Variants in TBC1D12 observed in about 807,000 individuals in gnomAD.
TBC1D12 encodes TBC1 domain family, member 12.
A neutral mutation model predicts 86.7 loss-of-function variants in TBC1D12; 56 were observed. That is an observed-to-expected ratio of 0.65 (90% CI 0.52 to 0.81). The LOEUF (loss-of-function observed/expected upper bound fraction) is 0.81. TBC1D12 is among the 30% of genes least tolerant of loss of function. TBC1D12 has a pLI of 0.00. For synonymous variants in TBC1D12, 421 were observed against 411.7 expected, an observed-to-expected ratio of 1.02 and a Z score of -0.27; for missense variants, 1,023 against 1,038.8, an observed-to-expected ratio of 0.98 and a Z score of 0.21.
At chr10:94,440,600 A>T (rs1272253490) in intron 1 of TBC1D12, among the ~76,000 whole-genome samples, 2 of 152,222 alleles carry the variant, frequency 1.3e-5, no homozygotes, top group East Asian at 3.8e-4. Flanking sequence ...CGGCATTTTG[A>T]GTATAGATAA....
chr10:94,507,052 T>C (rs2056468816), intron 6 of TBC1D12, among the ~76,000 whole-genome samples: 1 of 152,198 alleles, frequency 6.6e-6, no homozygotes, highest in Admixed American at 6.5e-5. Context: ...ATGTACATTC[T>C]GTATGGATGA....
chr10:94,469,333 C>A (rs1369083236), intron 2 of TBC1D12, among the ~76,000 whole-genome samples: 1 of 151,706 alleles, frequency 6.6e-6, no homozygotes, highest in Non-Finnish European at 1.5e-5. Context: ...GGTTATTGTT[C>A]TTTTCCCAAA....
rs940480829 is a variant in TBC1D12 at position 94,535,667 on chromosome 10, G to T, written c.*2571G>T. On this transcript the variant is annotated 3_prime_UTR_variant, in exon 13 of 13. Coordinates refer to ENST00000225235, the MANE Select transcript of TBC1D12 (RefSeq NM_015188.2). ...TTTAACTCCAGTAACTACTTCCTTG[G>T]TATTGGTATCCTTGATAGAGGGAAT... The T allele has an allele frequency of 1.3e-5, 2 of 152,074 alleles. No homozygotes were observed. The highest frequency in any genetic ancestry group is 4.8e-5 in the African/African-American group (2 of 41,424). 9.4% of individuals were successfully genotyped at this position (152,074 alleles called of 1,614,324 possible).
intron 3 of TBC1D12, among the ~76,000 whole-genome samples, chr10:94,480,761 C>T (rs1004131109): frequency 5.3e-5 from 8 of 150,890 alleles, no homozygotes; most frequent in Non-Finnish European, 8.8e-5. Flanking sequence ...ACTGTATTCC[C>T]AGCTACTTGG....
intron 3 of TBC1D12, among the ~76,000 whole-genome samples, chr10:94,475,860 C>T (rs2055980382): frequency 6.6e-6 from 1 of 152,168 alleles, no homozygotes; most frequent in Admixed American, 6.5e-5. Context: ...TGGTTCTTAG[C>T]TCTTTTTCTC....
At chr10:94,483,301 T>C (rs113549899) in intron 3 of TBC1D12, among the ~76,000 whole-genome samples, 2 of 152,208 alleles carry the variant, frequency 1.3e-5, no homozygotes, top group African/African-American at 4.8e-5. Flanking sequence ...CTGGATCATA[T>C]GGTAGCTCTA....
Position 94,474,776 on chromosome 10 carries a change from C to T in TBC1D12, c.1204C>T (p.Arg402Ter). The T allele has an allele frequency of 6.2e-7, 1 of 1,613,258 alleles. No homozygotes were observed. The highest frequency in any genetic ancestry group is 1.1e-5 in the South Asian group (1 of 91,034). The change falls in exon 3 of 13, where the codon CGA (arginine) becomes TGA (stop). Residue 402 changes from arginine to a stop codon, truncating the protein, a stop_gained. Coordinates refer to ENST00000225235, the MANE Select transcript of TBC1D12 (RefSeq NM_015188.2). LOFTEE classifies it high-confidence loss of function. The part of the protein sequence containing the change: ...LSTTALILED[R>*]PSNLPAKSVE... ...TACCACTGCCTTGATTCTTGAGGAT[C>T]GACCATCGTAAGTATTTTAGTGATA...
intron 1 of TBC1D12, among the ~76,000 whole-genome samples, chr10:94,419,397 G>C (rs976553110): frequency 6.6e-6 from 1 of 152,108 alleles, no homozygotes; most frequent in African/African-American, 2.4e-5. Flanking sequence ...TTAAAAGGCC[G>C]GGTGCGGTGG....
At chr10:94,442,089 T>C in intron 2 of TBC1D12, 70 bp downstream of exon 2, 4 of 1,465,756 alleles carry the variant, frequency 2.7e-6, no homozygotes, top group Middle Eastern at 1.8e-4. Context: ...CTTCTTTTTT[T>C]TTTTTTTTTT....
chr10:94,479,215 T>G (rs2056040405), intron 3 of TBC1D12, among the ~76,000 whole-genome samples: 1 of 152,132 alleles, frequency 6.6e-6, no homozygotes, highest in African/African-American at 2.4e-5. Context: ...CAGAAAGGTG[T>G]GTATTGCTCT....
intron 2 of TBC1D12, among the ~76,000 whole-genome samples, chr10:94,465,655 A>AAAAT (rs1554941178): frequency 3.7e-5 from 4 of 106,684 alleles, no homozygotes; most frequent in Non-Finnish European, 4.2e-5. Flanking sequence ...TAAAAAAAAA[A>AAAAT]ATATATATAT....
At chr10:94,522,489 A>G in intron 11 of TBC1D12, 36 bp downstream of exon 11, 1 of 886,216 alleles carries the variant, frequency 1.1e-6, no homozygotes, top group Non-Finnish European at 1.7e-6. Context: ...AATAATGAAA[A>G]GGAAATAAAG....
At chr10:94,488,821 G>T (rs1440670160) in intron 3 of TBC1D12, among the ~76,000 whole-genome samples, 1 of 152,006 alleles carries the variant, frequency 6.6e-6, no homozygotes, top group East Asian at 1.9e-4. Flanking sequence ...TGAGATGGGG[G>T]CCTCACCACT....
At chr10:94,496,379 T>G (rs1055916595) in intron 4 of TBC1D12, among the ~76,000 whole-genome samples, 11 of 152,122 alleles carry the variant, frequency 7.2e-5, no homozygotes, top group African/African-American at 2.7e-4. Context: ...ACTGTTAATA[T>G]ATGTGTTTTG....
intron 1 of TBC1D12, among the ~76,000 whole-genome samples, chr10:94,408,419 A>G (rs921209103): frequency 6.6e-6 from 1 of 152,206 alleles, no homozygotes; most frequent in East Asian, 1.9e-4. Context: ...GTTGAGTAGG[A>G]AAAACTAAAG....
Position 94,403,145 on chromosome 10 carries a change from G to A in TBC1D12, c.532G>A (p.Gly178Ser), listed in dbSNP as rs780215346. ...CGGCCGCCTTCGCCTGGAGGGGCCT[G>A]GCGACGAGGACGCGGACGGCGCGGG... ...PYGRLRLEGP[G>S]DEDADGAGSP... Residue 178 changes from glycine (G) to serine (S), a missense_variant, in exon 1 of 13, where the codon GGC (glycine) becomes AGC (serine). Around this residue, in one of 2 missense-constraint regions of TBC1D12, gnomAD observed 628 missense variants for 531.1 expected, o/e 1.18. Transcript: ENST00000225235. 23 of 1,425,334 alleles carry A rather than the reference G, an allele frequency of 1.6e-5. No homozygotes were observed. The highest frequency in any genetic ancestry group is 7.3e-6 in the Non-Finnish European group (8 of 1,095,918). The allele number at this position is 1,425,334 out of a possible 1,614,324, so 88.3% of individuals were successfully genotyped here.
chr10:94,532,203 A>G (rs1326127074), intron 12 of TBC1D12, among the ~76,000 whole-genome samples: 2 of 131,062 alleles, frequency 1.5e-5, no homozygotes, highest in African/African-American at 5.8e-5. Flanking sequence ...TTTGAGACGG[A>G]GTCTCACTCT....
chr10:94,510,380 G>A (rs1311431275), intron 8 of TBC1D12, among the ~76,000 whole-genome samples: 1 of 152,090 alleles, frequency 6.6e-6, no homozygotes, highest in Non-Finnish European at 1.5e-5. Context: ...ATACATTATA[G>A]TTAGCATAGC....
chr10:94,457,330 T>TA (rs112421022), intron 2 of TBC1D12, among the ~76,000 whole-genome samples: 1,856 of 152,286 alleles, frequency 0.012, 55 homozygotes, highest in African/African-American at 0.043. Flanking sequence ...TTGTTCAACT[T>TA]AAAGTGGGTT....
Sources: gnomAD v4.1 joint callset for allele counts (sites outside exome capture counted in the v4.1 genomes callset) on GRCh38, gnomAD v4.1.1 for gene constraint, gnomAD v4.1.1 regional missense constraint, MANE v1.5 for transcripts, NCBI Gene and HGNC (gene_info 2026-07-23, HGNC 2026-07-21) for gene names.